The following RAB7B variants were observed in gnomAD, a reference collection of about 807,000 sequenced individuals.
The protein encoded by RAB7B is RAB7B, member RAS oncogene family.
intron 1 of RAB7B, among the ~76,000 whole-genome samples, chr1:205,996,106 AAT>A (rs1291804448): frequency 1.9e-4 from 28 of 147,174 alleles, no homozygotes; most frequent in African/African-American, 2.8e-4. Context: ...TTTTACAATA[AAT>A]ATGTCTTGTT....
At chr1:205,988,639 T>A (rs1243869381) in intron 4 of RAB7B, among the ~76,000 whole-genome samples, 1 of 152,214 alleles carries the variant, frequency 6.6e-6, no homozygotes, top group Non-Finnish European at 1.5e-5. Flanking sequence ...CATTTCCTTG[T>A]TCCATTATTT....
At chr1:205,999,684 TCTAA>T (rs1218971230) in intron 1 of RAB7B, among the ~76,000 whole-genome samples, 1 of 152,226 alleles carries the variant, frequency 6.6e-6, no homozygotes, top group Non-Finnish European at 1.5e-5. Context: ...ATTGGGGTAA[TCTAA>T]CTGTCCATCA....
At chr1:206,000,986 C>A (rs1660881260) in intron 1 of RAB7B, among the ~76,000 whole-genome samples, 1 of 152,234 alleles carries the variant, frequency 6.6e-6, no homozygotes, top group Non-Finnish European at 1.5e-5. Flanking sequence ...CATTCCACCC[C>A]CTCCCTGGTT....
chr1:205,978,652 A>G lies in RAB7B; in HGVS notation c.*199T>C, dbSNP rs1229980267. 1 of 386,906 alleles carries G rather than the reference A, an allele frequency of 2.6e-6. No homozygotes were observed. The highest frequency in any genetic ancestry group is 4.6e-6 in the Non-Finnish European group (1 of 219,074). 24.0% of individuals were successfully genotyped at this position (386,906 alleles called of 1,614,324 possible). ...GGCTTCATCCAGACGCTCTCACTATACTCAGCCTGAGCCAGGGGCTGCCCT... is the reference window on the plus strand; with the variant it reads ...GGCTTCATCCAGACGCTCTCACTATGCTCAGCCTGAGCCAGGGGCTGCCCT... On this transcript the variant is annotated 3_prime_UTR_variant, in exon 6 of 6. Coordinates refer to ENST00000617070, the MANE Select transcript of RAB7B (RefSeq NM_001164522.3).
At chr1:205,980,188 C>T (rs1470972233) in intron 5 of RAB7B, among the ~76,000 whole-genome samples, 1 of 152,226 alleles carries the variant, frequency 6.6e-6, no homozygotes, top group African/African-American at 2.4e-5. Flanking sequence ...GGGGATCCCC[C>T]ATCTCTCACC....
At chr1:205,987,614 G>A (rs955967902) in intron 4 of RAB7B, among the ~76,000 whole-genome samples, 5 of 152,116 alleles carry the variant, frequency 3.3e-5, no homozygotes, top group Non-Finnish European at 7.4e-5. Context: ...TAGAAAACAT[G>A]ATCTTAAGTC....
chr1:205,978,985 G>A (rs1660438522), intron 5 of RAB7B, 57 bp from the exon 6 acceptor site: 6 of 398,104 alleles, frequency 1.5e-5, no homozygotes, highest in African/African-American at 6.2e-5. Flanking sequence ...TGCACCGCCC[G>A]CCCTTCATTT....
chr1:205,989,334 T>C (rs1284022688), intron 4 of RAB7B, among the ~76,000 whole-genome samples: 5 of 152,082 alleles, frequency 3.3e-5, no homozygotes, highest in Non-Finnish European at 7.4e-5. Flanking sequence ...CAAACCTTTG[T>C]TCTTCCTCTC....
At chr1:205,980,823 C>T in intron 5 of RAB7B, among the ~76,000 whole-genome samples, 1 of 139,656 alleles carries the variant, frequency 7.2e-6, no homozygotes, top group African/African-American at 2.6e-5. Context: ...CTCCCCCTCC[C>T]TCCCCTTCCC....
chr1:205,978,932 G>A lies in RAB7B; in HGVS notation c.523-4C>T. The A allele has an allele frequency of 2.5e-6, 1 of 398,806 alleles. No individual in the cohort carries two copies. Among genetic ancestry groups the A allele is most frequent in the Admixed American group, 4.4e-5 (1 of 22,734 alleles). 24.7% of individuals were successfully genotyped at this position (398,806 alleles called of 1,614,324 possible). Reference sequence around the variant, plus strand: ...GATTTTCTAAGATGCTCTGGTACTGGGGAAGGAAAGAGAGGCCGGCATTCA... The same window carrying A: ...GATTTTCTAAGATGCTCTGGTACTGAGGAAGGAAAGAGAGGCCGGCATTCA... On this transcript the variant is annotated splice_region_variant and splice_polypyrimidine_tract_variant and intron_variant, in intron 5 of 5. Coordinates refer to ENST00000617070, the MANE Select transcript of RAB7B (RefSeq NM_001164522.3).
At chr1:205,984,964 A>G (rs1660563853) in intron 5 of RAB7B, among the ~76,000 whole-genome samples, 1 of 151,982 alleles carries the variant, frequency 6.6e-6, no homozygotes, top group Non-Finnish European at 1.5e-5. Context: ...CCTACCCCTA[A>G]GTCCTGCCCC....
chr1:205,992,604 G>T lies in RAB7B; in HGVS notation c.272C>A (p.Thr91Asn). 1 of 398,786 alleles carries T rather than the reference G, an allele frequency of 2.5e-6. No homozygotes were observed. 24.7% of individuals were successfully genotyped at this position (398,786 alleles called of 1,614,324 possible). The change falls in exon 4 of 6, where the codon ACC (threonine) becomes AAC (asparagine). Residue 91 changes from threonine (T) to asparagine (N), a missense_variant. Coordinates refer to ENST00000617070, the MANE Select transcript of RAB7B (RefSeq NM_001164522.3). ...SDGCILAFDV[T>N]DLESFEALDI... ...CAGGGCTTCAAAAGACTCCAGGTCGGTGACATCAAAAGCTAGGATGCAGCC... is the reference window on the plus strand; with the variant it reads ...CAGGGCTTCAAAAGACTCCAGGTCGTTGACATCAAAAGCTAGGATGCAGCC...
At chr1:205,986,548 G>A (rs1360672318) in intron 4 of RAB7B, among the ~76,000 whole-genome samples, 1 of 152,204 alleles carries the variant, frequency 6.6e-6, no homozygotes, top group Non-Finnish European at 1.5e-5. Context: ...CTCAGGGTCA[G>A]GAGCTCAGCT....
intron 1 of RAB7B, among the ~76,000 whole-genome samples, chr1:206,002,555 C>T (rs1660907841): frequency 6.6e-6 from 1 of 152,042 alleles, no homozygotes; most frequent in African/African-American, 2.4e-5. Context: ...AAGTTACTAT[C>T]TCCGTGGGAC....
At chr1:205,995,051 T>C (rs1237263097) in intron 1 of RAB7B, among the ~76,000 whole-genome samples, 1 of 152,008 alleles carries the variant, frequency 6.6e-6, no homozygotes, top group Non-Finnish European at 1.5e-5. Flanking sequence ...TAGATCGTAA[T>C]TGAACAGTGA....
At chr1:205,981,199 C>G (rs1660485048) in intron 5 of RAB7B, among the ~76,000 whole-genome samples, 1 of 152,192 alleles carries the variant, frequency 6.6e-6, no homozygotes, top group Non-Finnish European at 1.5e-5. Context: ...CCATGCCCAG[C>G]CAGCATTGCT....
At chr1:205,987,555 T>C (rs904325452) in intron 4 of RAB7B, among the ~76,000 whole-genome samples, 6 of 152,322 alleles carry the variant, frequency 3.9e-5, no homozygotes, top group African/African-American at 1.2e-4. Context: ...ATTACTAACG[T>C]TAATTACTAA....
intron 1 of RAB7B, among the ~76,000 whole-genome samples, chr1:206,001,823 C>T (rs1660897628): frequency 2.0e-5 from 3 of 152,340 alleles, no homozygotes; most frequent in Non-Finnish European, 4.4e-5. Context: ...TGCCAAGCCC[C>T]AGTGCCTGGC....
intron 4 of RAB7B, among the ~76,000 whole-genome samples, chr1:205,991,187 A>G (rs1181381618): frequency 6.6e-6 from 1 of 152,186 alleles, no homozygotes; most frequent in East Asian, 1.9e-4. Flanking sequence ...ATCCCAGATA[A>G]GAGGAGGAAG....
Sources: allele counts gnomAD v4.1 joint callset (sites outside exome capture counted in the v4.1 genomes callset), GRCh38; gene constraint gnomAD v4.1.1; transcripts MANE v1.5; gene names NCBI Gene and HGNC (gene_info 2026-07-23, HGNC 2026-07-21).